CDH4: variants seen among roughly 807,000 people sequenced by gnomAD.
CDH4 encodes the protein cadherin 4, also known as cadherin-4.
Under a neutral mutation model 86.0 loss-of-function variants are expected in CDH4, and 33 were observed. The observed-to-expected ratio is 0.38, with a 90% CI of 0.29 to 0.51. CDH4 has a LOEUF of 0.51. Ranked by LOEUF, CDH4 falls within the 20% of genes least tolerant of loss-of-function variation. CDH4 has a pLI of 0.86. For missense variants in CDH4, 1,114 were observed against 1,307.4 expected (o/e 0.85, Z 2.28); for synonymous variants, 555 against 549.4 (o/e 1.01, Z -0.14).
intron 2 of CDH4, among the ~76,000 whole-genome samples, chr20:61,724,172 ATG>A: frequency 6.6e-6 from 1 of 151,686 alleles, no homozygotes; most frequent in Admixed American, 6.6e-5. Context: ...TGGAGGCTCC[ATG>A]CGGCAGGCGG....
At chr20:61,644,515 C>T (rs530327645) in intron 2 of CDH4, among the ~76,000 whole-genome samples, 2 of 152,298 alleles carry the variant, frequency 1.3e-5, no homozygotes, top group South Asian at 4.1e-4. Context: ...ACAGAGCCCC[C>T]GCTTTGAATG....
At chr20:61,687,101 G>A (rs2087590829) in intron 2 of CDH4, among the ~76,000 whole-genome samples, 1 of 152,148 alleles carries the variant, frequency 6.6e-6, no homozygotes, top group African/African-American at 2.4e-5. Flanking sequence ...CTCCCCGCAC[G>A]CCCTGGCCAG....
rs140872281 is a variant in CDH4, at chr20:61,277,337, G to A, written c.169+22400G>A. 1.1e-3 allele frequency among the ~76,000 whole-genome samples: 168 copies of A among 152,220 alleles called. 1 individual carries two copies. The highest frequency in any genetic ancestry group is 3.6e-3 in the African/African-American group (151 of 41,522). On this transcript the variant is annotated intron_variant, in intron 2 of 15. Coordinates refer to ENST00000614565, the MANE Select transcript of CDH4 (RefSeq NM_001794.5). ...ATAATGTTTTTGTACTCTCTTCTGC[G>A]TCTTCCTAAATTGTGGCCTTGTTGT...
At chr20:61,273,024 T>C (rs1270874725) in intron 2 of CDH4, among the ~76,000 whole-genome samples, 1 of 45,776 alleles carries the variant, frequency 2.2e-5, no homozygotes, top group African/African-American at 9.8e-5. Context: ...GGGAGTACCA[T>C]GTGCAGTTTG....
intron 2 of CDH4, among the ~76,000 whole-genome samples, chr20:61,575,007 G>C (rs1033576545): frequency 6.6e-6 from 1 of 152,182 alleles, no homozygotes; most frequent in African/African-American, 2.4e-5. Context: ...CACCACGCTG[G>C]GAAGGTGCGG....
At chr20:61,365,804 C>T (rs961536331) in intron 2 of CDH4, among the ~76,000 whole-genome samples, 4 of 152,068 alleles carry the variant, frequency 2.6e-5, no homozygotes, top group South Asian at 2.1e-4. Flanking sequence ...CCTTTGAGAA[C>T]GCTCAGATCA....
chr20:61,882,495 C>T (rs1031240664), intron 7 of CDH4, among the ~76,000 whole-genome samples: 2 of 152,182 alleles, frequency 1.3e-5, no homozygotes, highest in African/African-American at 4.8e-5. Flanking sequence ...AGATTCAGGA[C>T]CTCTGGTCAC....
chr20:61,832,282 GGTGA>G (rs1000745943), intron 4 of CDH4, among the ~76,000 whole-genome samples: 1 of 152,192 alleles, frequency 6.6e-6, no homozygotes, highest in African/African-American at 2.4e-5. Context: ...TGTGATCTTG[GGTGA>G]GTGACTCAAC....
At chr20:61,901,228 C>G (rs896866058) in intron 8 of CDH4, among the ~76,000 whole-genome samples, 1 of 115,838 alleles carries the variant, frequency 8.6e-6, no homozygotes. Flanking sequence ...GGAGTAGGGG[C>G]AGGGGCAGGG....
intron 7 of CDH4, among the ~76,000 whole-genome samples, chr20:61,887,476 C>T (rs964576303): frequency 1.3e-5 from 2 of 152,252 alleles, no homozygotes; most frequent in African/African-American, 2.4e-5. Flanking sequence ...TGTGTATACA[C>T]GCACACACAG....
chr20:61,790,709 C>T (rs1979137219), intron 4 of CDH4, among the ~76,000 whole-genome samples: 1 of 150,830 alleles, frequency 6.6e-6, no homozygotes, highest in Non-Finnish European at 1.5e-5. Flanking sequence ...TTTGTCTCTC[C>T]ATCCATTCAT....
intron 6 of CDH4, among the ~76,000 whole-genome samples, chr20:61,858,381 G>A (rs530573706): frequency 2.7e-5 from 4 of 149,124 alleles, no homozygotes; most frequent in African/African-American, 7.5e-5. Context: ...GTGTCTGTAT[G>A]TGTATCTGTG....
At chr20:61,621,580 A>G (rs1030992000) in intron 2 of CDH4, among the ~76,000 whole-genome samples, 16 of 152,316 alleles carry the variant, frequency 1.1e-4, no homozygotes, top group Non-Finnish European at 1.9e-4. Context: ...CCGGGAGAAC[A>G]TCGCTGGCTC....
At chr20:61,271,431 C>A (rs2084182319) in intron 2 of CDH4, among the ~76,000 whole-genome samples, 3 of 152,174 alleles carry the variant, frequency 2.0e-5, no homozygotes, top group Non-Finnish European at 4.4e-5. Flanking sequence ...AGAAGACAGC[C>A]CTCAGCATCC....
chr20:61,885,297 G>A (rs1294999937), intron 7 of CDH4, among the ~76,000 whole-genome samples: 6 of 151,958 alleles, frequency 3.9e-5, no homozygotes, highest in South Asian at 2.1e-4. Flanking sequence ...ATTTCTCCTC[G>A]ACTCCCTTAC....
intron 2 of CDH4, among the ~76,000 whole-genome samples, chr20:61,590,876 T>TGCGGGG (rs535456574): frequency 6.5e-5 from 9 of 137,510 alleles, no homozygotes; most frequent in South Asian, 2.5e-4. Flanking sequence ...CCTAAATCTA[T>TGCGGGG]GGGGGGGGGG....
At chr20:61,381,659 C>A (rs1195375478) in intron 2 of CDH4, among the ~76,000 whole-genome samples, 1 of 152,070 alleles carries the variant, frequency 6.6e-6, no homozygotes, top group Non-Finnish European at 1.5e-5. Flanking sequence ...ATTTGAGCCA[C>A]CAGTTAACCC....
At chr20:61,837,794 C>T (rs36010154) in intron 4 of CDH4, among the ~76,000 whole-genome samples, 67,870 of 151,904 alleles carry the variant, frequency 0.45, 17,483 homozygotes, top group Non-Finnish European at 0.59. Flanking sequence ...CCACAATCCG[C>T]CCCAGCCTCC....
intron 2 of CDH4, among the ~76,000 whole-genome samples, chr20:61,317,439 G>T (rs1368016445): frequency 6.6e-6 from 1 of 152,200 alleles, no homozygotes; most frequent in Non-Finnish European, 1.5e-5. Context: ...GCATTGAAGT[G>T]TTTATTAGCA....
Sources: gnomAD v4.1 joint callset for allele counts (sites outside exome capture counted in the v4.1 genomes callset) on GRCh38, gnomAD v4.1.1 for gene constraint, MANE v1.5 for transcripts, NCBI Gene and HGNC (gene_info 2026-07-23, HGNC 2026-07-21) for gene names.